PPP1R16B: variants seen among roughly 807,000 people sequenced by gnomAD.
PPP1R16B encodes the protein protein phosphatase 1 regulatory inhibitor subunit 16B.
In PPP1R16B, 14 loss-of-function variants were observed where a neutral mutation model predicts 61.7. The observed-to-expected ratio is 0.23, with a 90% CI of 0.15 to 0.35. The LOEUF (loss-of-function observed/expected upper bound fraction) is 0.35. Ranked by LOEUF, PPP1R16B falls within the 10% of genes least tolerant of loss-of-function variation. PPP1R16B has a pLI of 1.00. For synonymous variants in PPP1R16B, 266 were observed against 305.3 expected (o/e 0.87, Z 1.34); for missense variants, 547 against 752.5 (o/e 0.73, Z 3.19).
At chr20:38,839,372 G>GC (rs2084894096) in intron 2 of PPP1R16B, among the ~76,000 whole-genome samples, 1 of 152,152 alleles carries the variant, frequency 6.6e-6, no homozygotes, top group East Asian at 1.9e-4. Flanking sequence ...ATTTTGTTTT[G>GC]TTTTTTACAG....
chr20:38,879,778 C>G (rs183302593), intron 2 of PPP1R16B, among the ~76,000 whole-genome samples: 53 of 152,290 alleles, frequency 3.5e-4, no homozygotes, highest in African/African-American at 1.3e-3. Context: ...CCCCTTCTGT[C>G]TAGCAGAGAC....
intron 1 of PPP1R16B, among the ~76,000 whole-genome samples, chr20:38,811,405 G>A (rs1248447172): frequency 6.6e-6 from 1 of 152,108 alleles, no homozygotes; most frequent in Admixed American, 6.6e-5. Context: ...TCTTCATCTG[G>A]AAATAAAGAT....
intron 5 of PPP1R16B, among the ~76,000 whole-genome samples, chr20:38,901,719 T>G (rs183309766): frequency 6.6e-6 from 1 of 152,338 alleles, no homozygotes; most frequent in African/African-American, 2.4e-5. Flanking sequence ...CAGAATAATG[T>G]TTTTAAATGC....
intron 2 of PPP1R16B, among the ~76,000 whole-genome samples, chr20:38,843,995 TA>T (rs2084923291): frequency 7.2e-5 from 11 of 152,376 alleles, no homozygotes; most frequent in African/African-American, 2.6e-4. Flanking sequence ...ATACTACATC[TA>T]AACTCAACAA....
intron 2 of PPP1R16B, among the ~76,000 whole-genome samples, chr20:38,879,661 A>G (rs1311755825): frequency 6.6e-6 from 1 of 152,166 alleles, no homozygotes; most frequent in East Asian, 1.9e-4. Flanking sequence ...GCCCGCATAG[A>G]GCTTATATCC....
intron 2 of PPP1R16B, among the ~76,000 whole-genome samples, chr20:38,864,970 G>T (rs2085080141): frequency 1.3e-5 from 2 of 152,196 alleles, no homozygotes; most frequent in African/African-American, 4.8e-5. Flanking sequence ...CATTAAATGG[G>T]CTGGGTTGGC....
intron 2 of PPP1R16B, among the ~76,000 whole-genome samples, chr20:38,867,288 C>T (rs887675177): frequency 1.3e-5 from 2 of 152,116 alleles, no homozygotes; most frequent in African/African-American, 4.8e-5. Flanking sequence ...CTGATGGGGA[C>T]GAGGTGGGGA....
At chr20:38,845,494 T>A (rs1408225912) in intron 2 of PPP1R16B, among the ~76,000 whole-genome samples, 1 of 152,136 alleles carries the variant, frequency 6.6e-6, no homozygotes, top group Admixed American at 6.5e-5. Context: ...TAAAAACAAC[T>A]TTAACCCTAA....
At chr20:38,889,716 A>C in intron 3 of PPP1R16B, 51 bp downstream of exon 3, 1 of 1,510,276 alleles carries the variant, frequency 6.6e-7, no homozygotes, top group Non-Finnish European at 9.2e-7. Flanking sequence ...TCACCTGGAC[A>C]GGTACCCTGT....
At chr20:38,815,497 C>G (rs2084729762) in intron 1 of PPP1R16B, among the ~76,000 whole-genome samples, 1 of 152,148 alleles carries the variant, frequency 6.6e-6, no homozygotes, top group Non-Finnish European at 1.5e-5. Flanking sequence ...GTGTATATAT[C>G]TTTGTATACT....
At chr20:38,884,185 C>T (rs2085225574) in intron 2 of PPP1R16B, among the ~76,000 whole-genome samples, 1 of 152,188 alleles carries the variant, frequency 6.6e-6, no homozygotes, top group Non-Finnish European at 1.5e-5. Context: ...AAGAGATGAG[C>T]CGGGAGAGGT....
At chr20:38,880,646 T>C (rs956895227) in intron 2 of PPP1R16B, among the ~76,000 whole-genome samples, 12 of 152,156 alleles carry the variant, frequency 7.9e-5, no homozygotes, top group African/African-American at 2.4e-4. Flanking sequence ...CCAGCCTGGG[T>C]GAGAGAGGGA....
Position 38,806,567 on chromosome 20 carries a change from GC to G in PPP1R16B, c.-102+777del. Among the ~76,000 whole-genome samples the G allele has an allele frequency of 6.6e-6, 1 of 152,256 alleles. No individual in the cohort carries two copies. The highest frequency in any genetic ancestry group is 3.4e-3 in the Middle Eastern group (1 of 294). On this transcript the variant is annotated intron_variant, in intron 1 of 10. Transcript: ENST00000299824. The surrounding 1 kb of genome is among the most constrained non-coding windows in gnomAD (Gnocchi z 4.5). ...CGCCGAGGATGGGCGGAGACGTGCA[GC>G]CGCCCCTGAGAGGTCGCCCAGAGGG... is the stretch of plus-strand genomic sequence containing the variant.
intron 2 of PPP1R16B, among the ~76,000 whole-genome samples, chr20:38,863,128 C>T (rs1044877125): frequency 6.6e-6 from 1 of 152,128 alleles, no homozygotes. Context: ...CTCTAGGAAG[C>T]CCACCACCCA....
At chr20:38,814,019 A>G (rs1222587149) in intron 1 of PPP1R16B, among the ~76,000 whole-genome samples, 1 of 151,252 alleles carries the variant, frequency 6.6e-6, no homozygotes, top group Non-Finnish European at 1.5e-5. Flanking sequence ...CTGGTCTCAA[A>G]CTCCTGACCT....
At chr20:38,903,835 A>T (rs2085418303) in intron 6 of PPP1R16B, among the ~76,000 whole-genome samples, 1 of 152,194 alleles carries the variant, frequency 6.6e-6, no homozygotes, top group South Asian at 2.1e-4. Context: ...CTGCAGCCTA[A>T]TATTGGGGAG....
At chr20:38,905,341 A>C (rs1233443542) in intron 6 of PPP1R16B, among the ~76,000 whole-genome samples, 1 of 152,198 alleles carries the variant, frequency 6.6e-6, no homozygotes, top group East Asian at 1.9e-4. Context: ...CAGTTCACAC[A>C]CATGGCTGGC....
intron 1 of PPP1R16B, among the ~76,000 whole-genome samples, chr20:38,810,002 A>AC (rs1401668839): frequency 2.7e-4 from 41 of 151,194 alleles, no homozygotes; most frequent in East Asian, 1.4e-3. Context: ...AAAAAAAAAA[A>AC]AAAACAAAAC....
At position 38,895,558 on chromosome 20, in the gene PPP1R16B, C is replaced by T. The variant is rs1456995314; in HGVS notation, c.322-7C>T. The T allele has an allele frequency of 1.2e-6, 2 of 1,613,338 alleles. No homozygotes were observed. Among genetic ancestry groups the T allele is most frequent in the South Asian group, 1.1e-5 (1 of 91,030 alleles). On this transcript the variant is annotated splice_polypyrimidine_tract_variant and splice_region_variant and intron_variant, in intron 3 of 10. Transcript: ENST00000299824. ...TGGAGCTGACTCTGCCTGTGTGTCT[C>T]TCCCAGTGCTGCATCGACAACTTTG...
Sources: gnomAD v4.1 joint callset for allele counts (sites outside exome capture counted in the v4.1 genomes callset) on GRCh38, gnomAD v4.1.1 for gene constraint, Gnocchi (gnomAD v3.1) non-coding constraint, MANE v1.5 for transcripts, NCBI Gene and HGNC (gene_info 2026-07-23, HGNC 2026-07-21) for gene names.